ADCY8: variants seen among roughly 807,000 people sequenced by gnomAD.
ADCY8 encodes the protein adenylate cyclase type 8.
ADCY8 carries 51 observed loss-of-function variants against 119.7 expected under a neutral mutation model. That is an observed-to-expected ratio of 0.43 (90% CI 0.34 to 0.54). ADCY8 has a LOEUF of 0.54. ADCY8 is among the 20% of genes least tolerant of loss of function. The pLI, the probability that ADCY8 is intolerant of heterozygous loss-of-function variation, is 0.03. For missense variants in ADCY8, 1,383 were observed against 1,598.8 expected, an observed-to-expected ratio of 0.87 and a Z score of 2.30; for synonymous variants, 665 against 651.0, an observed-to-expected ratio of 1.02 and a Z score of -0.33.
chr8:130,996,102 A>G (rs1271610939), intron 1 of ADCY8, among the ~76,000 whole-genome samples: 2 of 152,120 alleles, frequency 1.3e-5, no homozygotes, highest in Non-Finnish European at 2.9e-5. Flanking sequence ...AAGATAAAAC[A>G]CCAAAACTAT....
intron 3 of ADCY8, among the ~76,000 whole-genome samples, chr8:130,951,481 T>C (rs745601004): frequency 2.0e-5 from 3 of 152,182 alleles, no homozygotes; most frequent in Non-Finnish European, 4.4e-5. Flanking sequence ...CTCTTTGTAC[T>C]GTTTTAAACA....
intron 1 of ADCY8, among the ~76,000 whole-genome samples, chr8:130,998,034 T>C (rs181582365): frequency 8.8e-4 from 134 of 152,326 alleles, no homozygotes; most frequent in Non-Finnish European, 1.2e-3. Context: ...CATTTGAAAT[T>C]ATTTATGGAA....
At chr8:131,019,833 CTCTCTG>C (rs1563770593) in intron 1 of ADCY8, among the ~76,000 whole-genome samples, 3 of 111,350 alleles carry the variant, frequency 2.7e-5, no homozygotes, top group African/African-American at 3.7e-5. Flanking sequence ...CTCTCTCTCT[CTCTCTG>C]TCTGTCTCTC....
chr8:130,783,576 G>A lies in ADCY8; in HGVS notation c.3268+115C>T. 2 of 666,658 alleles carry A rather than the reference G, an allele frequency of 3.0e-6. 1 individual carries two copies. The highest frequency in any genetic ancestry group is 3.8e-5 in the South Asian group (2 of 52,492). 41.3% of individuals were successfully genotyped at this position (666,658 alleles called of 1,614,324 possible). ...CCCTATCCTTGGCAGGGTCATGCTA[G>A]ATCTATTGCATTTTGCAGGAAAAAG... On this transcript the variant is annotated intron_variant, in intron 17 of 17. Coordinates refer to ENST00000286355, the MANE Select transcript of ADCY8 (RefSeq NM_001115.3).
intron 9 of ADCY8, among the ~76,000 whole-genome samples, chr8:130,854,391 T>C (rs1458414216): frequency 1.3e-5 from 2 of 152,230 alleles, no homozygotes; most frequent in African/African-American, 4.8e-5. Context: ...TGTATTGATA[T>C]TGTGATTTGA....
At chr8:130,892,395 T>C (rs10956556) in intron 7 of ADCY8, 71,370 of 151,904 alleles carry the variant, frequency 0.47, 18,328 homozygotes, top group East Asian at 0.62. Flanking sequence ...TTTTGTTCCT[T>C]GGTGTCCTGA....
intron 8 of ADCY8, among the ~76,000 whole-genome samples, chr8:130,868,310 T>C (rs954415528): frequency 5.3e-5 from 8 of 152,200 alleles, no homozygotes; most frequent in African/African-American, 1.9e-4. Context: ...CTGTTTCGTG[T>C]TAAGTTTGGG....
intron 14 of ADCY8, among the ~76,000 whole-genome samples, chr8:130,812,439 GT>G (rs990954069): frequency 6.6e-6 from 1 of 152,196 alleles, no homozygotes; most frequent in Admixed American, 6.5e-5. Flanking sequence ...CTTTGCAGGT[GT>G]AATTAAGATG....
At chr8:130,963,697 G>T (rs960410074) in intron 2 of ADCY8, among the ~76,000 whole-genome samples, 1 of 152,036 alleles carries the variant, frequency 6.6e-6, no homozygotes, top group Non-Finnish European at 1.5e-5. Context: ...GTCAGGAGCA[G>T]GCCCATGCTA....
At chr8:130,882,231 C>T (rs1181692665) in intron 8 of ADCY8, among the ~76,000 whole-genome samples, 1 of 150,764 alleles carries the variant, frequency 6.6e-6, no homozygotes, top group Non-Finnish European at 1.5e-5. Flanking sequence ...GATCTAAGAT[C>T]TCCACTTAAC....
intron 2 of ADCY8, among the ~76,000 whole-genome samples, chr8:130,985,673 A>G (rs924280150): frequency 7.9e-5 from 12 of 152,188 alleles, no homozygotes; most frequent in African/African-American, 2.9e-4. Flanking sequence ...CTACTGTACT[A>G]ATCAATATTA....
At chr8:130,874,538 A>G (rs1477072338) in intron 8 of ADCY8, among the ~76,000 whole-genome samples, 2 of 152,076 alleles carry the variant, frequency 1.3e-5, no homozygotes, top group African/African-American at 4.8e-5. Flanking sequence ...CTTCTTCCCA[A>G]GCAAACTGAC....
At chr8:131,012,439 T>G (rs1041377193) in intron 1 of ADCY8, among the ~76,000 whole-genome samples, 4 of 152,144 alleles carry the variant, frequency 2.6e-5, no homozygotes, top group Non-Finnish European at 4.4e-5. Context: ...TAATCTTCCT[T>G]TTTTAAATTT....
chr8:130,785,402 C>A lies in ADCY8; in HGVS notation c.3134G>T (p.Gly1045Val). The A allele has an allele frequency of 6.2e-7, 1 of 1,607,798 alleles. No homozygotes were observed. The highest frequency in any genetic ancestry group is 8.5e-7 in the Non-Finnish European group (1 of 1,176,974). Residue 1045 changes from glycine (G) to valine (V), a missense_variant, in exon 16 of 18, where the codon GGC becomes GTC. Gly to Val is a moderately radical substitution (Grantham distance 109). Coordinates refer to ENST00000286355, the MANE Select transcript of ADCY8 (RefSeq NM_001115.3). ...TIGSTYMAVS[G>V]LSPEKQQCED... ...CTTTACCTGTTTTTCAGGTGACAGG[C>A]CTGACACGGCCATGTAGGTGCTGCC... is the stretch of plus-strand genomic sequence containing the variant.
intron 8 of ADCY8, among the ~76,000 whole-genome samples, chr8:130,870,162 C>T (rs1818299823): frequency 6.6e-6 from 1 of 151,518 alleles, no homozygotes; most frequent in African/African-American, 2.4e-5. Context: ...TACAGGTGCC[C>T]ACCACCATGC....
chr8:130,900,713 C>T lies in ADCY8; in HGVS notation c.1911+3059G>A, dbSNP rs894235757. Among the ~76,000 whole-genome samples, 12 of 152,342 alleles carry T rather than the reference C, an allele frequency of 7.9e-5. No individual in the cohort carries two copies. The South Asian group carries it at 1.2e-3, about 16-fold the overall frequency. On this transcript the variant is annotated intron_variant, in intron 7 of 17. Transcript: ENST00000286355. ...AATCTTTCACCTTCCAACTTGTGCT[C>T]CTCAAGGTCTGCTTGTGTCTTCTTG... is the stretch of plus-strand genomic sequence containing the variant.
intron 7 of ADCY8, 103 bp from the exon 8 acceptor site, chr8:130,884,864 C>A (rs1818919422): frequency 3.5e-6 from 4 of 1,128,910 alleles, no homozygotes; most frequent in Non-Finnish European, 5.4e-6. Context: ...ACAGTAATAG[C>A]ATTCCATGCA....
chr8:130,956,163 A>G (rs1393778254), intron 2 of ADCY8, among the ~76,000 whole-genome samples: 4 of 152,174 alleles, frequency 2.6e-5, no homozygotes, highest in African/African-American at 9.7e-5. Context: ...AAACAAACAA[A>G]CAAAAAAATC....
At chr8:130,850,514 C>CA (rs1186291001) in intron 9 of ADCY8, among the ~76,000 whole-genome samples, 8 of 152,084 alleles carry the variant, frequency 5.3e-5, no homozygotes, top group African/African-American at 1.9e-4. Context: ...TATCACCATG[C>CA]AATCTGCTTC....
Sources: allele counts gnomAD v4.1 joint callset (sites outside exome capture counted in the v4.1 genomes callset), GRCh38; gene constraint gnomAD v4.1.1; transcripts MANE v1.5; gene names NCBI Gene and HGNC (gene_info 2026-07-23, HGNC 2026-07-21).